Variants in EIF3J observed in about 807,000 individuals in gnomAD.
EIF3J encodes the protein eukaryotic translation initiation factor 3 subunit J, also known as eukaryotic translation initiation factor 3, subunit 1 (alpha, 35kD).
Under a neutral mutation model 39.0 loss-of-function variants are expected in EIF3J, and 15 were observed. The observed-to-expected ratio is 0.38, with a 90% CI of 0.26 to 0.59. EIF3J has a LOEUF of 0.59. Among genes scored for constraint, EIF3J ranks in the 20% least tolerant of loss-of-function variants. The pLI is 0.60. For missense variants in EIF3J, 226 were observed against 308.6 expected (o/e 0.73, Z 2.00); for synonymous variants, 98 against 112.9 (o/e 0.87, Z 0.84).
intron 4 of EIF3J, among the ~76,000 whole-genome samples, chr15:44,552,533 C>T (rs1389783085): frequency 2.0e-5 from 3 of 152,046 alleles, no homozygotes; most frequent in African/African-American, 7.2e-5. Context: ...GCATGAGCCA[C>T]CACGTCCAGC....
intron 5 of EIF3J, among the ~76,000 whole-genome samples, chr15:44,556,557 AGTGCAGTG>A (rs1246048612): frequency 5.9e-5 from 9 of 151,766 alleles, no homozygotes; most frequent in Non-Finnish European, 8.8e-5. Context: ...CCCAGGCTGG[AGTGCAGTG>A]GTGCAGTCTC....
intron 3 of EIF3J, 151 bp downstream of exon 3, chr15:44,551,081 C>A: frequency 7.6e-7 from 1 of 1,320,680 alleles, no homozygotes. Context: ...TCTGTTTTCC[C>A]TGCAACTTTT....
At chr15:44,557,821 G>GCTGGATC in intron 6 of EIF3J, 171 bp downstream of exon 6, 1 of 423,344 alleles carries the variant, frequency 2.4e-6, no homozygotes, top group Non-Finnish European at 3.9e-6. Context: ...GAATTTGAGT[G>GCTGGATC]CTGGATCTTT....
At chr15:44,556,537 C>T (rs1258196494) in intron 5 of EIF3J, among the ~76,000 whole-genome samples, 1 of 151,832 alleles carries the variant, frequency 6.6e-6, no homozygotes, top group African/African-American at 2.4e-5. Context: ...GACAGAGTCT[C>T]ACTCTGTCAC....
chr15:44,541,554 C>T (rs1196588798), intron 2 of EIF3J, among the ~76,000 whole-genome samples: 2 of 151,632 alleles, frequency 1.3e-5, no homozygotes, highest in East Asian at 1.9e-4. Flanking sequence ...TTAGTTGAGC[C>T]TCTCTCGTCC....
At chr15:44,554,880 T>A (rs2082132000) in intron 5 of EIF3J, among the ~76,000 whole-genome samples, 2 of 152,262 alleles carry the variant, frequency 1.3e-5, no homozygotes, top group African/African-American at 4.8e-5. Context: ...ATAAGTCATT[T>A]ATAGCAATGC....
intron 7 of EIF3J, chr15:44,560,627 A>G (rs2140904460): frequency 2.8e-6 from 1 of 360,708 alleles, no homozygotes; most frequent in Non-Finnish European, 5.0e-6. Flanking sequence ...CTAAAATAGG[A>G]ACAATAATAC....
chr15:44,558,549 C>G (rs916044949), intron 6 of EIF3J, among the ~76,000 whole-genome samples: 2 of 152,022 alleles, frequency 1.3e-5, no homozygotes, highest in Non-Finnish European at 2.9e-5. Flanking sequence ...AAGCAATTCT[C>G]CTGCTCAGAC....
chr15:44,554,402 TAA>T, intron 4 of EIF3J, 149 bp from the exon 5 acceptor site: 1 of 169,650 alleles, frequency 5.9e-6, no homozygotes. Flanking sequence ...AAAAAAAAAC[TAA>T]AGTGTTTAGA....
intron 2 of EIF3J, among the ~76,000 whole-genome samples, chr15:44,545,935 C>T (rs2082049417): frequency 6.6e-6 from 1 of 152,144 alleles, no homozygotes; most frequent in Non-Finnish European, 1.5e-5. Context: ...ATAACACTAC[C>T]TTCTTACAGG....
chr15:44,539,088 G>A (rs904270487), intron 2 of EIF3J, among the ~76,000 whole-genome samples: 3 of 146,588 alleles, frequency 2.0e-5, no homozygotes, highest in African/African-American at 7.6e-5. Flanking sequence ...GTGCAATGGC[G>A]CGATCTTGGC....
chr15:44,538,324 C>G (rs1450950801), intron 2 of EIF3J, among the ~76,000 whole-genome samples: 1 of 150,486 alleles, frequency 6.6e-6, no homozygotes. Flanking sequence ...ACAGAAGTCT[C>G]AAATCCAAAA....
chr15:44,543,614 A>C (rs1420752960), intron 2 of EIF3J, among the ~76,000 whole-genome samples: 1 of 152,002 alleles, frequency 6.6e-6, no homozygotes, highest in African/African-American at 2.4e-5. Flanking sequence ...GGGTTTCACC[A>C]TGTTGGCCAG....
intron 4 of EIF3J, among the ~76,000 whole-genome samples, chr15:44,554,164 G>C (rs897459159): frequency 3.9e-5 from 6 of 152,004 alleles, no homozygotes; most frequent in African/African-American, 1.5e-4. Context: ...ATCACTTGAG[G>C]CCAGGAGTTC....
intron 2 of EIF3J, chr15:44,550,667 T>G (rs573107666): frequency 2.3e-6 from 1 of 437,946 alleles, no homozygotes; most frequent in East Asian, 3.6e-5. Context: ...GGTACAAAAA[T>G]GTACTTGATC....
chr15:44,551,513 TAAA>T lies in EIF3J; in HGVS notation c.288_290del (p.Lys97del). The T allele has an allele frequency of 6.3e-7, 1 of 1,586,832 alleles. No individual in the cohort carries two copies. Among genetic ancestry groups the T allele is most frequent in the Non-Finnish European group, 8.6e-7 (1 of 1,168,222 alleles). ...AACAGAAGAAAAGGCAAGAAGAAAT[TAAA>T]AAGAGGGTAAATTCTGTTTTCTAAA... On this transcript the variant is annotated inframe_deletion, in exon 4 of 8. Transcript: ENST00000261868.
rs1470172081 is a variant in EIF3J, at chr15:44,561,543, C to G, written c.*394C>G. The G allele has an allele frequency of 6.4e-6, 1 of 157,400 alleles. No individual in the cohort carries two copies. The highest frequency in any genetic ancestry group is 1.8e-4 in the East Asian group (1 of 5,514). The allele number at this position is 157,400 out of a possible 1,614,324, so 9.8% of individuals were successfully genotyped here. A position where few individuals can be genotyped will look rare whatever the true frequency, so the allele number is the denominator to read the frequency against. On this transcript the variant is annotated 3_prime_UTR_variant, in exon 8 of 8. Coordinates refer to ENST00000261868, the MANE Select transcript of EIF3J (RefSeq NM_003758.4). ...CTCCTTGAACTACTTCATAACTTGT[C>G]AAGAAAAGCAGTTTGCAGCAAGGGC...
chr15:44,542,559 T>C (rs1163544466), intron 2 of EIF3J, among the ~76,000 whole-genome samples: 2 of 152,220 alleles, frequency 1.3e-5, no homozygotes, highest in Non-Finnish European at 2.9e-5. Context: ...ATAATGTAGT[T>C]TTATATTATG....
intron 2 of EIF3J, among the ~76,000 whole-genome samples, chr15:44,545,925 A>G (rs2082049321): frequency 6.6e-6 from 1 of 152,212 alleles, no homozygotes; most frequent in South Asian, 2.1e-4. Context: ...AAATGGGGGA[A>G]TAACACTACC....
Sources: gnomAD v4.1 joint callset for allele counts (sites outside exome capture counted in the v4.1 genomes callset) on GRCh38, gnomAD v4.1.1 for gene constraint, MANE v1.5 for transcripts, NCBI Gene and HGNC (gene_info 2026-07-23, HGNC 2026-07-21) for gene names.